Variants in TCF20 observed in about 807,000 individuals in gnomAD.
TCF20 encodes SPRE-binding protein.
In TCF20, 3 loss-of-function variants were observed where a neutral mutation model predicts 148.6. The observed-to-expected ratio is 0.02, with a 90% CI of 0.01 to 0.05. The LOEUF is 0.05. Among genes scored for constraint, TCF20 ranks in the 10% least tolerant of loss-of-function variants. The pLI is 1.00. For missense variants in TCF20, 2,350 were observed against 2,429.3 expected (o/e 0.97, Z 0.69); for synonymous variants, 1,049 against 909.5 (o/e 1.15, Z -2.76).
At position 42,211,433 on chromosome 22, in the gene TCF20, G is replaced by T; in HGVS notation, c.3873C>A (p.Gly1291=). 1 of 1,614,146 alleles carries T rather than the reference G, an allele frequency of 6.2e-7. No homozygotes were observed. The highest frequency in any genetic ancestry group is 8.5e-7 in the Non-Finnish European group (1 of 1,180,022). The change falls in exon 2 of 6, where the codon GGC becomes GGA. Residue 1291 remains glycine, a synonymous_variant. Transcript: ENST00000677622. The part of the protein sequence containing the change: ...KGRLLHSSKE[G]ADKAFNSYAH... Reference sequence around the variant, plus strand: ...CATAGGAATTGAATGCTTTATCAGCGCCTTCTTTTGATGAGTGAAGGAGGC... The same window carrying T: ...CATAGGAATTGAATGCTTTATCAGCTCCTTCTTTTGATGAGTGAAGGAGGC...
At chr22:42,294,535 CCAGCTCCGGGAGAGGG>C (rs1222011644) in intron 1 of TCF20, among the ~76,000 whole-genome samples, 8 of 152,066 alleles carry the variant, frequency 5.3e-5, no homozygotes, top group Admixed American at 4.6e-4. Context: ...GCCCTCCCTC[CCAGCTCCGGGAGAGGG>C]CAGGGCCAGG....
chr22:42,252,008 A>G (rs974105961), intron 1 of TCF20, among the ~76,000 whole-genome samples: 5 of 150,776 alleles, frequency 3.3e-5, no homozygotes, highest in African/African-American at 1.2e-4. Flanking sequence ...GTTTGAGACC[A>G]GCCTGGCCAA....
At chr22:42,334,884 G>A (rs1347123978) in intron 1 of TCF20, among the ~76,000 whole-genome samples, 2 of 152,242 alleles carry the variant, frequency 1.3e-5, no homozygotes, top group South Asian at 4.1e-4. Flanking sequence ...GTGAGTTGTC[G>A]GAAGGGAACC....
At chr22:42,265,314 TTTC>T (rs1046034087) in intron 1 of TCF20, among the ~76,000 whole-genome samples, 2 of 152,182 alleles carry the variant, frequency 1.3e-5, no homozygotes, top group African/African-American at 2.4e-5. Flanking sequence ...CTGTATTCTT[TTTC>T]TTCTTTTTTT....
rs912883733 is a variant in TCF20, at chr22:42,308,604, C to T, written c.-37+34875G>A. Among the ~76,000 whole-genome samples the T allele has an allele frequency of 2.6e-5, 4 of 152,104 alleles. No individual in the cohort carries two copies. The East Asian group carries it at 7.7e-4, about 29-fold the overall frequency. ...ACGTCCCCAGGGTCTTAGAAGTGTA[C>T]CCAGGGCCATGGCAGGCACAAGGTA... On this transcript the variant is annotated intron_variant, in intron 1 of 1. Transcript: ENST00000515426.
chr22:42,178,184 C>G (rs1302646394), intron 3 of TCF20, among the ~76,000 whole-genome samples: 1 of 152,160 alleles, frequency 6.6e-6, no homozygotes, highest in African/African-American at 2.4e-5. Context: ...ACATCTGGCC[C>G]TATGTTTCTT....
intron 1 of TCF20, among the ~76,000 whole-genome samples, chr22:42,341,233 G>A (rs1355882334): frequency 1.3e-5 from 2 of 152,158 alleles, no homozygotes; most frequent in Admixed American, 6.5e-5. Context: ...GGCAGACGCC[G>A]TCACCCCGGG....
At chr22:42,332,179 A>G (rs554770552) in intron 1 of TCF20, among the ~76,000 whole-genome samples, 34 of 152,352 alleles carry the variant, frequency 2.2e-4, no homozygotes, top group African/African-American at 7.7e-4. Context: ...GCCTGATAAC[A>G]TGCACCAGGA....
Position 42,179,680 on chromosome 22 carries a change from G to A in TCF20, c.5678C>T (p.Ala1893Val). The change falls in exon 3 of 6, where the codon GCA becomes GTA. Residue 1893 changes from alanine to valine, a missense_variant. By Grantham distance (64) the Ala-to-Val change is moderately conservative (BLOSUM62 0). Transcript: ENST00000677622. Reference sequence around the variant, plus strand: ...GTTGTAGCAGCCCAAGGTGGCGCCTGCCTCCTGGCAGTGGGAACATTTCTG... The same window carrying A: ...GTTGTAGCAGCCCAAGGTGGCGCCTACCTCCTGGCAGTGGGAACATTTCTG... ...REMKCSHCQE[A>V]GATLGCYNKG... 6.2e-7 allele frequency: 1 copy of A among 1,613,926 alleles called. No homozygotes were observed. Among genetic ancestry groups the A allele is most frequent in the Non-Finnish European group, 8.5e-7 (1 of 1,179,874 alleles).
chr22:42,215,134 C>T lies in TCF20; in HGVS notation c.172G>A (p.Gly58Arg). The change falls in exon 2 of 6, where the codon GGA becomes AGA. Residue 58 changes from glycine (G) to arginine (R), a missense_variant. Transcript: ENST00000677622. ...SGSSGSGSGG[G>R]RRGAAAAAAA... ...GCAGCAGCTGCTGCTCCTCGTCGTC[C>T]ACCACCACTGCCACTGCCACTGCTG... 2 of 1,614,046 alleles carry T rather than the reference C, an allele frequency of 1.2e-6. No homozygotes were observed. Among genetic ancestry groups the T allele is most frequent in the Non-Finnish European group, 1.7e-6 (2 of 1,179,948 alleles).
At chr22:42,316,107 CAAAAAAAAAAAAA>C (rs758537263) in intron 1 of TCF20, among the ~76,000 whole-genome samples, 1 of 48,594 alleles carries the variant, frequency 2.1e-5, no homozygotes, top group African/African-American at 7.4e-5. Context: ...GACTCTGTCT[CAAAAAAAAAAAAA>C]AAAAAAAAAA....
rs1927111672 is a variant in TCF20 at position 42,290,375 on chromosome 22, C to CA, written c.-37+53103_-37+53104insT. Among the ~76,000 whole-genome samples the CA allele has an allele frequency of 6.6e-6, 1 of 152,206 alleles. No homozygotes were observed. The highest frequency in any genetic ancestry group is 1.5e-5 in the Non-Finnish European group (1 of 68,042). Reference sequence around the variant, plus strand: ...GCAGCCAGGGGCTAGCTAATCCCAGCCAAAACACACGGAATGAGAATCGTT... The same window carrying CA: ...GCAGCCAGGGGCTAGCTAATCCCAGCACAAAACACACGGAATGAGAATCGTT... On this transcript the variant is annotated intron_variant, in intron 1 of 1. Coordinates refer to the TCF20 transcript ENST00000515426. The surrounding 1 kb of genome is among the most constrained non-coding windows in gnomAD (Gnocchi z 4.2).
chr22:42,203,526 G>A (rs904875726), intron 2 of TCF20, among the ~76,000 whole-genome samples: 8 of 152,144 alleles, frequency 5.3e-5, no homozygotes, highest in African/African-American at 9.7e-5. Flanking sequence ...GAATTTGGAC[G>A]AAATCCTGAA....
intron 1 of TCF20, among the ~76,000 whole-genome samples, chr22:42,295,242 A>T (rs1284604157): frequency 6.6e-6 from 1 of 152,124 alleles, no homozygotes; most frequent in Non-Finnish European, 1.5e-5. Context: ...CCCCTGCACC[A>T]TAGCCACCCT....
intron 3 of TCF20, among the ~76,000 whole-genome samples, chr22:42,171,652 T>C (rs756029676): frequency 2.6e-5 from 4 of 152,128 alleles, no homozygotes; most frequent in Admixed American, 6.5e-5. Context: ...CACAAGTACA[T>C]AGTGTGACCA....
chr22:42,225,620 C>CAAAA (rs57952215), intron 1 of TCF20, among the ~76,000 whole-genome samples: 6 of 74,772 alleles, frequency 8.0e-5, no homozygotes, highest in African/African-American at 2.3e-4. Context: ...GACTCCGTCT[C>CAAAA]AAAAAAAAAA....
chr22:42,232,889 TTTTA>T (rs1398981838), intron 1 of TCF20, among the ~76,000 whole-genome samples: 3 of 152,128 alleles, frequency 2.0e-5, no homozygotes, highest in East Asian at 3.9e-4. Context: ...TTGCAACTAC[TTTTA>T]TTGAGTGTTT....
At chr22:42,273,574 G>T (rs949142040), upstream of TCF20, among the ~76,000 whole-genome samples, 6 of 151,380 alleles carry the variant, frequency 4.0e-5, no homozygotes, top group Non-Finnish European at 8.8e-5. Context: ...TTCTCTCACT[G>T]TCTCAAATGC....
intron 1 of TCF20, among the ~76,000 whole-genome samples, chr22:42,282,682 G>A (rs1347843864): frequency 6.6e-6 from 1 of 152,220 alleles, no homozygotes; most frequent in Non-Finnish European, 1.5e-5. Context: ...CCTGGCTGGG[G>A]GCAGAGACCT....
Sources: gnomAD v4.1 joint callset for allele counts (sites outside exome capture counted in the v4.1 genomes callset) on GRCh38, gnomAD v4.1.1 for gene constraint, Gnocchi (gnomAD v3.1) non-coding constraint, MANE v1.5 for transcripts, NCBI Gene and HGNC (gene_info 2026-07-23, HGNC 2026-07-21) for gene names.